The following ASAH2 variants were observed in gnomAD, a reference collection of about 807,000 sequenced individuals.
ASAH2 encodes neutral ceramidase.
ASAH2 carries 58 observed loss-of-function variants against 82.9 expected under a neutral mutation model. The ratio of observed to expected loss-of-function variants is 0.70; its 90% CI spans 0.57 to 0.87. ASAH2 has a LOEUF of 0.87. Ranked by LOEUF, ASAH2 falls within the 40% of genes least tolerant of loss-of-function variation. The probability of loss-of-function intolerance (pLI) is 0.00; values close to 1 mark genes in which losing one functional copy is unlikely to be tolerated. For missense variants in ASAH2, 779 were observed against 834.0 expected, an observed-to-expected ratio of 0.93 and a Z score of 0.81; for synonymous variants, 276 against 289.7, an observed-to-expected ratio of 0.95 and a Z score of 0.48.
intron 7 of ASAH2, among the ~76,000 whole-genome samples, chr10:50,227,987 A>G (rs1324135273): frequency 1.3e-5 from 2 of 152,132 alleles, no homozygotes; most frequent in African/African-American, 4.8e-5. Flanking sequence ...GCTTCACAAC[A>G]TGGAGCGGAA....
chr10:50,211,934 T>A (rs1197972186), intron 10 of ASAH2, among the ~76,000 whole-genome samples: 1 of 152,056 alleles, frequency 6.6e-6, no homozygotes, highest in African/African-American at 2.4e-5. Context: ...GTGGGTCAAA[T>A]CTCTATGACT....
At chr10:50,230,807 C>A (rs887839923) in intron 7 of ASAH2, among the ~76,000 whole-genome samples, 1 of 151,878 alleles carries the variant, frequency 6.6e-6, no homozygotes, top group Non-Finnish European at 1.5e-5. Context: ...TTTGGAAGGC[C>A]GAGGTGGAGG....
intron 7 of ASAH2, among the ~76,000 whole-genome samples, chr10:50,227,419 T>C (rs1191890771): frequency 6.6e-6 from 1 of 152,206 alleles, no homozygotes; most frequent in Non-Finnish European, 1.5e-5. Flanking sequence ...TGAAACCAAG[T>C]GAGCATTCAC....
rs981066154 is a variant in ASAH2, at chr10:50,204,630, G to C, written c.1625+231C>G. On this transcript the variant is annotated intron_variant, in intron 14 of 20. Coordinates refer to ENST00000682911, the MANE Select transcript of ASAH2 (RefSeq NM_019893.4). The stretch of plus-strand genomic sequence containing the variant: ...ATGGCATCATTTTAATTTGGGATAA[G>C]TTTTTTTTAATTTTCATGTCTGCCT... Among the ~76,000 whole-genome samples, 1,022 of 151,772 alleles carry C rather than the reference G, an allele frequency of 6.7e-3. 13 individuals carry two copies. The highest frequency in any genetic ancestry group is 0.023 in the African/African-American group (973 of 41,440).
intron 7 of ASAH2, among the ~76,000 whole-genome samples, chr10:50,225,473 A>C (rs1420902387): frequency 6.6e-6 from 1 of 152,190 alleles, no homozygotes; most frequent in Non-Finnish European, 1.5e-5. Flanking sequence ...AAGTGCAACA[A>C]GAAACAGGAA....
chr10:50,198,913 C>T, intron 17 of ASAH2, 138 bp downstream of exon 17: 1 of 919,506 alleles, frequency 1.1e-6, no homozygotes, highest in Non-Finnish European at 1.8e-6. Flanking sequence ...TAAAGGTTGT[C>T]AAACTGAACA....
chr10:50,249,897 C>T lies in ASAH2; in HGVS notation c.-36-1251G>A, dbSNP rs553680699. 7.9e-5 allele frequency among the ~76,000 whole-genome samples: 12 copies of T among 152,094 alleles called. No homozygotes were observed. The East Asian group carries it at 2.3e-3, about 29-fold the overall frequency. On this transcript the variant is annotated intron_variant, in intron 1 of 20. Transcript: ENST00000682911. ...GTATTGGAATCCCAGGATTTGCCCCCAAAATAGGGGATTTGTGGCTAAGAT... is the reference window on the plus strand; with the variant it reads ...GTATTGGAATCCCAGGATTTGCCCCTAAAATAGGGGATTTGTGGCTAAGAT...
intron 18 of ASAH2, among the ~76,000 whole-genome samples, chr10:50,195,661 G>C (rs1162022970): frequency 4.6e-5 from 7 of 151,948 alleles, no homozygotes; most frequent in Admixed American, 4.6e-4. Flanking sequence ...ATCAATGGAT[G>C]AATGGATAAA....
intron 4 of ASAH2, 46 bp downstream of exon 4, chr10:50,243,156 T>C (rs939565919): frequency 3.1e-6 from 5 of 1,606,194 alleles, no homozygotes; most frequent in Non-Finnish European, 4.3e-6. Context: ...CACTTTTCCT[T>C]AAACCATATC....
At chr10:50,232,257 T>C (rs1434958898) in intron 7 of ASAH2, among the ~76,000 whole-genome samples, 1 of 152,168 alleles carries the variant, frequency 6.6e-6, no homozygotes, top group Admixed American at 6.6e-5. Context: ...GGCAGACCCT[T>C]TGTCATCTTT....
chr10:50,229,535 G>A lies in ASAH2; in HGVS notation c.893+3649C>T, dbSNP rs546712393. Among the ~76,000 whole-genome samples, 7 of 152,086 alleles carry A rather than the reference G, an allele frequency of 4.6e-5. 1 individual carries two copies. The South Asian group carries it at 1.2e-3, about 27-fold the overall frequency. On this transcript the variant is annotated intron_variant, in intron 7 of 20. Coordinates refer to ENST00000682911, the MANE Select transcript of ASAH2 (RefSeq NM_019893.4). Reference sequence around the variant, plus strand: ...AAGTCTACACTCTTCCCAATCCTTCGACAGCCCCAACTCCCAACCCAAGTT... The same window carrying A: ...AAGTCTACACTCTTCCCAATCCTTCAACAGCCCCAACTCCCAACCCAAGTT...
At chr10:50,248,998 A>G (rs1846546793) in intron 1 of ASAH2, among the ~76,000 whole-genome samples, 1 of 152,168 alleles carries the variant, frequency 6.6e-6, no homozygotes, top group Non-Finnish European at 1.5e-5. Flanking sequence ...GGATCTGTAC[A>G]TGGGTCTGGG....
intron 15 of ASAH2, 62 bp from the exon 16 acceptor site, chr10:50,202,986 G>T: frequency 1.8e-6 from 2 of 1,113,620 alleles, no homozygotes; most frequent in South Asian, 1.2e-5. Flanking sequence ...TTTTCATTCT[G>T]TTATCCTTAA....
chr10:50,216,775 G>C (rs921722875), intron 8 of ASAH2, among the ~76,000 whole-genome samples: 7 of 152,280 alleles, frequency 4.6e-5, no homozygotes, highest in African/African-American at 1.7e-4. Context: ...TAGGGAAAGA[G>C]ATAACTAAGT....
intron 7 of ASAH2, among the ~76,000 whole-genome samples, chr10:50,227,409 T>C (rs1269532562): frequency 6.6e-6 from 1 of 152,144 alleles, no homozygotes; most frequent in Non-Finnish European, 1.5e-5. Flanking sequence ...GCACAGTGAG[T>C]GAAACCAAGT....
At chr10:50,239,364 G>C (rs1394960751) in intron 4 of ASAH2, among the ~76,000 whole-genome samples, 1 of 152,128 alleles carries the variant, frequency 6.6e-6, no homozygotes, top group African/African-American at 2.4e-5. Context: ...ATTGCACGGA[G>C]ATGTAAAAAT....
Position 50,213,065 on chromosome 10 carries a change from C to A in ASAH2, c.1141-7G>T. 6.2e-7 allele frequency: 1 copy of A among 1,610,822 alleles called. No homozygotes were observed. The highest frequency in any genetic ancestry group is 8.5e-7 in the Non-Finnish European group (1 of 1,177,158). On this transcript the variant is annotated splice_region_variant and splice_polypyrimidine_tract_variant and intron_variant, in intron 9 of 20. Coordinates refer to ENST00000682911, the MANE Select transcript of ASAH2 (RefSeq NM_019893.4). ...TAGCAATGCACATGCTAGGCTGGAA[C>A]AAAATAAGATATGATGCATTCTTGG...
chr10:50,211,610 C>A (rs1845455765), intron 10 of ASAH2, among the ~76,000 whole-genome samples: 1 of 152,138 alleles, frequency 6.6e-6, no homozygotes, highest in African/African-American at 2.4e-5. Flanking sequence ...CTTCGCCCAC[C>A]CACAATCCAC....
Sources: gnomAD v4.1 joint callset for allele counts (sites outside exome capture counted in the v4.1 genomes callset) on GRCh38, gnomAD v4.1.1 for gene constraint, MANE v1.5 for transcripts, NCBI Gene and HGNC (gene_info 2026-07-23, HGNC 2026-07-21) for gene names.